The following DOK6 variants were observed in gnomAD, a reference collection of about 807,000 sequenced individuals.
DOK6 encodes docking protein 6, also known as downstream of tyrosine kinase 6.
DOK6 carries 22 observed loss-of-function variants against 44.0 expected under a neutral mutation model. That is an observed-to-expected ratio of 0.50 (90% CI 0.36 to 0.71). The LOEUF is 0.71. DOK6 is among the 30% of genes least tolerant of loss of function. DOK6 has a pLI of 0.00. For missense variants in DOK6, 340 were observed against 416.4 expected (o/e 0.82, Z 1.60); for synonymous variants, 166 against 145.5 (o/e 1.14, Z -1.01).
chr18:69,590,967 G>A (rs1314621652), intron 2 of DOK6, among the ~76,000 whole-genome samples: 1 of 152,118 alleles, frequency 6.6e-6, no homozygotes, highest in East Asian at 1.9e-4. Flanking sequence ...CAATGCTTCT[G>A]TGTTACTTGT....
At chr18:69,583,904 C>A (rs569707126) in intron 2 of DOK6, among the ~76,000 whole-genome samples, 13 of 152,172 alleles carry the variant, frequency 8.5e-5, no homozygotes, top group African/African-American at 2.4e-4. Flanking sequence ...GTCAGGAGAT[C>A]GAGACCATCC....
chr18:69,674,685 C>T (rs1214259050), intron 3 of DOK6, among the ~76,000 whole-genome samples: 1 of 152,038 alleles, frequency 6.6e-6, no homozygotes, highest in Non-Finnish European at 1.5e-5. Context: ...CACTAACACA[C>T]ACATCATCAT....
chr18:69,747,319 C>A (rs1450646616), intron 6 of DOK6, among the ~76,000 whole-genome samples: 1 of 152,094 alleles, frequency 6.6e-6, no homozygotes, highest in Non-Finnish European at 1.5e-5. Context: ...TTTTTTTATA[C>A]AAATGAATTT....
At chr18:69,595,109 C>A (rs1024180689) in intron 2 of DOK6, among the ~76,000 whole-genome samples, 2 of 152,070 alleles carry the variant, frequency 1.3e-5, no homozygotes, top group African/African-American at 4.8e-5. Context: ...AAGAATTGAA[C>A]AAATGCAAAG....
chr18:69,418,227 GTATA>G (rs201552189), intron 1 of DOK6, among the ~76,000 whole-genome samples: 8,138 of 152,122 alleles, frequency 0.053, 251 homozygotes, highest in Middle Eastern at 0.12. Context: ...TTTGATTTAT[GTATA>G]TATTGAAAGA....
At chr18:69,609,318 T>C in intron 3 of DOK6, among the ~76,000 whole-genome samples, 1 of 152,094 alleles carries the variant, frequency 6.6e-6, no homozygotes, top group East Asian at 1.9e-4. Context: ...AATACATAAA[T>C]TATCCAATTC....
chr18:69,780,956 G>A (rs1790937), intron 7 of DOK6, among the ~76,000 whole-genome samples: 144,523 of 152,214 alleles, frequency 0.95, 69,053 homozygotes, highest in East Asian at 1. Flanking sequence ...GGATTTCTTA[G>A]TTTAGCCTGT....
At chr18:69,422,951 C>T (rs919979483) in intron 1 of DOK6, among the ~76,000 whole-genome samples, 1 of 152,116 alleles carries the variant, frequency 6.6e-6, no homozygotes, top group Non-Finnish European at 1.5e-5. Context: ...ACATTACAAA[C>T]CTCCAAGCGC....
intron 1 of DOK6, among the ~76,000 whole-genome samples, chr18:69,555,055 A>G (rs1359287904): frequency 6.6e-6 from 1 of 152,140 alleles, no homozygotes; most frequent in Non-Finnish European, 1.5e-5. Context: ...AGTATCTTCT[A>G]ATCAATTCCT....
chr18:69,407,016 G>T (rs947608649), intron 1 of DOK6, among the ~76,000 whole-genome samples: 9 of 152,168 alleles, frequency 5.9e-5, no homozygotes, highest in Non-Finnish European at 1.3e-4. Context: ...GAGAGGTGGA[G>T]GTTGCAGTGC....
intron 1 of DOK6, among the ~76,000 whole-genome samples, chr18:69,409,251 A>C (rs1978296789): frequency 6.6e-6 from 1 of 152,214 alleles, no homozygotes; most frequent in East Asian, 1.9e-4. Flanking sequence ...TGAGTCAATT[A>C]AACCTCTTTC....
At chr18:69,838,237 T>TAAAAAA (rs541410720) in intron 7 of DOK6, among the ~76,000 whole-genome samples, 3 of 140,788 alleles carry the variant, frequency 2.1e-5, no homozygotes, top group African/African-American at 7.7e-5. Flanking sequence ...TCTAAAACTT[T>TAAAAAA]AAAAAAAAAA....
At chr18:69,764,947 C>T (rs1459080958) in intron 7 of DOK6, among the ~76,000 whole-genome samples, 1 of 152,134 alleles carries the variant, frequency 6.6e-6, no homozygotes, top group Non-Finnish European at 1.5e-5. Flanking sequence ...CGGACACATA[C>T]CTAATCACCA....
At chr18:69,657,057 T>C (rs1356800816) in intron 3 of DOK6, among the ~76,000 whole-genome samples, 1 of 152,232 alleles carries the variant, frequency 6.6e-6, no homozygotes, top group African/African-American at 2.4e-5. Flanking sequence ...AAATGATCGA[T>C]AATAATCCAA....
At chr18:69,613,097 C>T (rs1984201580) in intron 3 of DOK6, among the ~76,000 whole-genome samples, 1 of 152,142 alleles carries the variant, frequency 6.6e-6, no homozygotes, top group Non-Finnish European at 1.5e-5. Context: ...TCTCGAACTC[C>T]TGGGCTCAAG....
chr18:69,596,496 C>T (rs1387856038), intron 2 of DOK6, among the ~76,000 whole-genome samples: 1 of 152,084 alleles, frequency 6.6e-6, no homozygotes, highest in Non-Finnish European at 1.5e-5. Flanking sequence ...AGAAAAACTG[C>T]TCTTCACTTA....
Position 69,842,934 on chromosome 18 carries a change from A to G in DOK6, c.*1551A>G, listed in dbSNP as rs780709970. On this transcript the variant is annotated 3_prime_UTR_variant, in exon 8 of 8. Transcript: ENST00000382713. ...ATAGGAAAATTTTTTAAACTATCCA[A>G]ATTAGTCTGTTGAAAGGGTACCTTT... 5 of 152,114 alleles carry G rather than the reference A, an allele frequency of 3.3e-5. No homozygotes were observed. Among genetic ancestry groups the G allele is most frequent in the Non-Finnish European group, 7.4e-5 (5 of 68,012 alleles). 9.4% of individuals were successfully genotyped at this position (152,114 alleles called of 1,614,324 possible).
At chr18:69,402,919 T>C (rs1916131349) in intron 1 of DOK6, among the ~76,000 whole-genome samples, 1 of 152,158 alleles carries the variant, frequency 6.6e-6, no homozygotes, top group African/African-American at 2.4e-5. Context: ...GTCTGGTTGT[T>C]CCTCGCAGCC....
At chr18:69,612,092 C>G (rs1256453184) in intron 3 of DOK6, among the ~76,000 whole-genome samples, 2 of 152,074 alleles carry the variant, frequency 1.3e-5, no homozygotes, top group African/African-American at 4.8e-5. Context: ...AAAATGTACA[C>G]AGGATGTCTC....
Sources: allele counts gnomAD v4.1 joint callset (sites outside exome capture counted in the v4.1 genomes callset), GRCh38; gene constraint gnomAD v4.1.1; transcripts MANE v1.5; gene names NCBI Gene and HGNC (gene_info 2026-07-23, HGNC 2026-07-21).